TOX: variants seen among roughly 807,000 people sequenced by gnomAD.
TOX encodes thymocyte selection associated high mobility group box, also known as thymocyte selection-associated high mobility group box protein TOX.
TOX carries 11 observed loss-of-function variants against 53.7 expected under a neutral mutation model. That is an observed-to-expected ratio of 0.20 (90% CI 0.13 to 0.34). The LOEUF is 0.34. Ranked by LOEUF, TOX falls within the 10% of genes least tolerant of loss-of-function variation. The pLI is 1.00. For synonymous variants in TOX, 225 were observed against 245.3 expected (o/e 0.92, Z 0.77); for missense variants, 570 against 664.6 (o/e 0.86, Z 1.56).
chr8:58,994,854 C>T (rs994249702), intron 1 of TOX, among the ~76,000 whole-genome samples: 2 of 152,124 alleles, frequency 1.3e-5, no homozygotes, highest in African/African-American at 4.8e-5. Context: ...TCTGAAGACT[C>T]GAAATGCTGA....
intron 1 of TOX, among the ~76,000 whole-genome samples, chr8:59,044,751 G>A (rs1294054027): frequency 1.3e-5 from 2 of 152,008 alleles, no homozygotes; most frequent in Admixed American, 6.5e-5. Context: ...GTAAAGACTG[G>A]ACAAAAGTTG....
At chr8:59,092,321 A>ATATATTATATATTATATATACAT in intron 1 of TOX, among the ~76,000 whole-genome samples, 2 of 108,570 alleles carry the variant, frequency 1.8e-5, no homozygotes, top group African/African-American at 1.1e-4. Context: ...ATATATACAT[A>ATATATTATATATTATATATACAT]TATATATTAT....
intron 6 of TOX, among the ~76,000 whole-genome samples, chr8:58,818,665 G>T (rs192344416): frequency 4.1e-4 from 62 of 152,250 alleles, no homozygotes; most frequent in African/African-American, 1.4e-3. Context: ...TTGCTGACTT[G>T]CCCTCTTGAC....
At chr8:58,963,557 G>T (rs192448281) in intron 1 of TOX, among the ~76,000 whole-genome samples, 3 of 152,292 alleles carry the variant, frequency 2.0e-5, no homozygotes, top group African/African-American at 2.4e-5. Context: ...ATGTTGATTT[G>T]CTATGAGACT....
intron 4 of TOX, among the ~76,000 whole-genome samples, chr8:58,850,795 C>T (rs1307175986): frequency 6.6e-6 from 1 of 152,154 alleles, no homozygotes; most frequent in African/African-American, 2.4e-5. Flanking sequence ...AAAAATTTAG[C>T]GAAGCTACTA....
At chr8:58,960,130 G>T in intron 1 of TOX, 122 bp from the exon 2 acceptor site, 1 of 1,034,134 alleles carries the variant, frequency 9.7e-7, no homozygotes, top group Non-Finnish European at 1.5e-6. Context: ...AAATACTGCG[G>T]CTGGGACTAT....
intron 1 of TOX, among the ~76,000 whole-genome samples, chr8:58,985,407 C>G (rs1868347): frequency 0.068 from 10,362 of 152,058 alleles, 455 homozygotes; most frequent in East Asian, 0.24. Flanking sequence ...AAATAAAAGA[C>G]AAATACTGTA....
At chr8:59,010,850 A>C (rs969255911) in intron 1 of TOX, among the ~76,000 whole-genome samples, 23 of 152,228 alleles carry the variant, frequency 1.5e-4, no homozygotes, top group Admixed American at 5.9e-4. Context: ...GTTTTTGACA[A>C]AGCATCATTA....
chr8:58,814,827 T>G (rs1277979981), intron 7 of TOX, among the ~76,000 whole-genome samples: 1 of 152,206 alleles, frequency 6.6e-6, no homozygotes, highest in Non-Finnish European at 1.5e-5. Context: ...CTGGTTAAAA[T>G]GTTCAGTTCT....
intron 1 of TOX, among the ~76,000 whole-genome samples, chr8:59,060,613 C>G (rs1238506869): frequency 6.6e-6 from 1 of 152,054 alleles, no homozygotes; most frequent in Admixed American, 6.5e-5. Flanking sequence ...GGTGACAGAG[C>G]GAGACTTCAT....
In TOX at chr8:58,976,386, G is replaced by A. The variant is rs537389659; in HGVS notation, c.103-16378C>T. Among the ~76,000 whole-genome samples, 35 of 152,286 alleles carry A rather than the reference G, an allele frequency of 2.3e-4. 1 individual carries two copies. The South Asian group carries it at 3.5e-3, about 15-fold the overall frequency. On this transcript the variant is annotated intron_variant, in intron 1 of 8. Coordinates refer to ENST00000361421, the MANE Select transcript of TOX (RefSeq NM_014729.3). ...ATCATAAGATTGCAGCAATTCAGTCGCATGTTTAGGCTCTACTTCTAATTT... is the reference window on the plus strand; with the variant it reads ...ATCATAAGATTGCAGCAATTCAGTCACATGTTTAGGCTCTACTTCTAATTT...
intron 1 of TOX, among the ~76,000 whole-genome samples, chr8:59,070,390 A>G (rs1365092508): frequency 1.3e-5 from 2 of 151,888 alleles, no homozygotes; most frequent in Non-Finnish European, 2.9e-5. Flanking sequence ...ACCTCTATCT[A>G]TGCTTCTATT....
chr8:58,948,847 A>G lies in TOX; in HGVS notation c.169-9303T>C, dbSNP rs550638522. ...AAAAAAATTAGAAAATATACATAGG[A>G]AAAAAAAATCACCTTTAATCCAACC... is the stretch of plus-strand genomic sequence containing the variant. On this transcript the variant is annotated intron_variant, in intron 2 of 8. Transcript: ENST00000361421. Among the ~76,000 whole-genome samples, 526 of 123,594 alleles carry G rather than the reference A, an allele frequency of 4.3e-3. 3 individuals carry two copies. Among genetic ancestry groups the G allele is most frequent in the African/African-American group, 0.017 (496 of 29,532 alleles). The allele number at this position is 123,594 out of a possible 152,430, so 81.1% of individuals were successfully genotyped here. A position where few individuals can be genotyped will look rare whatever the true frequency, so the allele number is the denominator to read the frequency against.
At chr8:58,948,588 T>G (rs948007117) in intron 2 of TOX, among the ~76,000 whole-genome samples, 3 of 152,202 alleles carry the variant, frequency 2.0e-5, no homozygotes, top group Non-Finnish European at 4.4e-5. Context: ...AGGAGCCACT[T>G]CTGAAAGTTA....
chr8:59,047,606 C>T (rs1585986108), intron 1 of TOX, among the ~76,000 whole-genome samples: 4 of 151,464 alleles, frequency 2.6e-5, no homozygotes, highest in African/African-American at 7.3e-5. Flanking sequence ...TATGTTGTCC[C>T]GGCTGGAGTT....
chr8:59,002,409 G>C (rs1813707530), intron 1 of TOX, among the ~76,000 whole-genome samples: 1 of 151,386 alleles, frequency 6.6e-6, no homozygotes, highest in African/African-American at 2.4e-5. Context: ...TGGCTAACAC[G>C]GTGAAACCCC....
intron 1 of TOX, among the ~76,000 whole-genome samples, chr8:58,976,133 T>G (rs1813095698): frequency 2.6e-5 from 4 of 152,182 alleles, no homozygotes; most frequent in Admixed American, 2.0e-4. Context: ...AAGATTTCTC[T>G]GCAGCATGTG....
intron 3 of TOX, among the ~76,000 whole-genome samples, chr8:58,920,721 T>TAA (rs5891703): frequency 1.5e-3 from 120 of 80,942 alleles, no homozygotes; most frequent in Middle Eastern, 0.011. Flanking sequence ...AAAAAAACAT[T>TAA]AAAAAAAAAA....
intron 3 of TOX, among the ~76,000 whole-genome samples, chr8:58,870,477 G>C (rs1399541955): frequency 2.6e-5 from 4 of 152,120 alleles, no homozygotes; most frequent in African/African-American, 7.2e-5. Context: ...TTAATCGATA[G>C]AGTCAATGCA....
Sources: gnomAD v4.1 joint callset for allele counts (sites outside exome capture counted in the v4.1 genomes callset) on GRCh38, gnomAD v4.1.1 for gene constraint, MANE v1.5 for transcripts, NCBI Gene and HGNC (gene_info 2026-07-23, HGNC 2026-07-21) for gene names.